INSYN2A: variants seen among roughly 807,000 people sequenced by gnomAD.
The protein encoded by INSYN2A is family with sequence similarity 196 member A.
In INSYN2A, 17 loss-of-function variants were observed where a neutral mutation model predicts 39.4. The ratio of observed to expected loss-of-function variants is 0.43; its 90% CI spans 0.30 to 0.65. The LOEUF is 0.65. Ranked by LOEUF, INSYN2A falls within the 30% of genes least tolerant of loss-of-function variation. The probability of loss-of-function intolerance (pLI) is 0.14; values close to 1 mark genes in which losing one functional copy is unlikely to be tolerated. For missense variants in INSYN2A, 595 were observed against 631.2 expected, an observed-to-expected ratio of 0.94 and a Z score of 0.61; for synonymous variants, 255 against 265.7, an observed-to-expected ratio of 0.96 and a Z score of 0.39.
At chr10:127,147,397 A>T (rs2051985234) in intron 5 of INSYN2A, among the ~76,000 whole-genome samples, 1 of 152,054 alleles carries the variant, frequency 6.6e-6, no homozygotes. Context: ...TCCCTCCACG[A>T]TTATCTTGTT....
intron 4 of INSYN2A, among the ~76,000 whole-genome samples, chr10:127,166,018 G>C (rs2054038741): frequency 6.6e-6 from 1 of 152,076 alleles, no homozygotes; most frequent in Non-Finnish European, 1.5e-5. Flanking sequence ...ATCCAGACTT[G>C]CATTAGCAAA....
Position 127,176,179 on chromosome 10 carries a change from G to T in INSYN2A, c.217C>A (p.Arg73=), listed in dbSNP as rs143780805. The change falls in exon 4 of 6, where the codon CGG becomes AGG. Residue 73 remains arginine (R), a synonymous_variant. Transcript: ENST00000522781. This position sits in a 1 kb window ranked among gnomAD's most constrained non-coding sequence, Gnocchi z 4.4. ...CTGCAGGACACGGGCTTGGCCTCCCGCTTCTCCCCCAGCTGGCCCGAGGAC... is the reference window on the plus strand; with the variant it reads ...CTGCAGGACACGGGCTTGGCCTCCCTCTTCTCCCCCAGCTGGCCCGAGGAC... The part of the protein sequence containing the change: ...QLSSGQLGEK[R]EAKPVSCRAA... 171 of 1,614,068 alleles carry T rather than the reference G, an allele frequency of 1.1e-4. No homozygotes were observed. Among genetic ancestry groups the T allele is most frequent in the Non-Finnish European group, 1.4e-4 (165 of 1,180,016 alleles).
At chr10:127,173,315 C>T (rs1337927655) in intron 4 of INSYN2A, among the ~76,000 whole-genome samples, 2 of 152,176 alleles carry the variant, frequency 1.3e-5, no homozygotes, top group African/African-American at 2.4e-5. Flanking sequence ...AGCCCTTGCC[C>T]AAGCCCTCAG....
intron 5 of INSYN2A, among the ~76,000 whole-genome samples, chr10:127,140,734 C>T (rs2051160046): frequency 6.7e-6 from 1 of 150,122 alleles, no homozygotes; most frequent in South Asian, 2.1e-4. Context: ...AACGGTCTGG[C>T]CAACTCTGGC....
intron 4 of INSYN2A, among the ~76,000 whole-genome samples, chr10:127,173,437 C>T (rs1017030318): frequency 2.0e-5 from 3 of 152,194 alleles, no homozygotes; most frequent in Non-Finnish European, 2.9e-5. Context: ...CATACTTGTT[C>T]TAAGAGGAGT....
intron 4 of INSYN2A, among the ~76,000 whole-genome samples, chr10:127,168,788 C>G (rs1276181911): frequency 6.6e-6 from 1 of 152,198 alleles, no homozygotes. Context: ...TAAGCCCACA[C>G]CTTCGTGATT....
intron 5 of INSYN2A, among the ~76,000 whole-genome samples, chr10:127,147,733 A>G (rs373042199): frequency 3.3e-5 from 5 of 152,066 alleles, no homozygotes; most frequent in African/African-American, 1.2e-4. Context: ...GTGGTTGTTT[A>G]AAATTCCACC....
chr10:127,184,898 G>A (rs1160470147), intron 2 of INSYN2A, among the ~76,000 whole-genome samples: 1 of 152,100 alleles, frequency 6.6e-6, no homozygotes, highest in East Asian at 1.9e-4. Context: ...GCATGCCTGG[G>A]GTGACCTAGG....
intron 4 of INSYN2A, among the ~76,000 whole-genome samples, chr10:127,165,497 G>C (rs2053993463): frequency 6.6e-6 from 1 of 152,150 alleles, no homozygotes; most frequent in South Asian, 2.1e-4. Flanking sequence ...CTTTTTGGTT[G>C]AAGGATGCTC....
intron 4 of INSYN2A, among the ~76,000 whole-genome samples, chr10:127,170,412 C>T (rs1032180463): frequency 2.6e-5 from 4 of 152,204 alleles, no homozygotes; most frequent in Non-Finnish European, 5.9e-5. Flanking sequence ...ATCTGCTTCA[C>T]TCTGGGCAGT....
chr10:127,166,501 A>T (rs1361107735), intron 4 of INSYN2A, among the ~76,000 whole-genome samples: 2 of 152,182 alleles, frequency 1.3e-5, no homozygotes, highest in African/African-American at 4.8e-5. Context: ...GACCTTGGAG[A>T]AGGTACTGAG....
intron 5 of INSYN2A, among the ~76,000 whole-genome samples, chr10:127,147,299 G>A (rs1393687307): frequency 1.3e-5 from 2 of 152,152 alleles, no homozygotes; most frequent in South Asian, 2.1e-4. Flanking sequence ...TGCCCTGGCT[G>A]TTTGTCCTCC....
At chr10:127,147,776 T>TA (rs1409619070) in intron 5 of INSYN2A, among the ~76,000 whole-genome samples, 5 of 152,094 alleles carry the variant, frequency 3.3e-5, no homozygotes, top group African/African-American at 9.7e-5. Context: ...CTCATGCCTG[T>TA]AATCCTAGCA....
At chr10:127,149,043 G>T (rs558162115) in intron 5 of INSYN2A, among the ~76,000 whole-genome samples, 1 of 152,214 alleles carries the variant, frequency 6.6e-6, no homozygotes, top group African/African-American at 2.4e-5. Context: ...TCAGCTCTGA[G>T]TCAATAGATT....
intron 4 of INSYN2A, among the ~76,000 whole-genome samples, chr10:127,162,354 A>G (rs899230096): frequency 3.3e-5 from 5 of 152,216 alleles, no homozygotes; most frequent in Admixed American, 1.3e-4. Flanking sequence ...CTTGGAAGTA[A>G]TATATCTCTA....
chr10:127,138,694 T>C (rs2050927047), intron 5 of INSYN2A, among the ~76,000 whole-genome samples: 1 of 152,164 alleles, frequency 6.6e-6, no homozygotes, highest in African/African-American at 2.4e-5. Context: ...AACACAGAAG[T>C]AAAATTCCAT....
intron 4 of INSYN2A, among the ~76,000 whole-genome samples, chr10:127,155,469 T>C (rs1274500850): frequency 6.6e-6 from 1 of 152,196 alleles, no homozygotes; most frequent in Non-Finnish European, 1.5e-5. Flanking sequence ...CGTCTTTCCA[T>C]CATCACCTCC....
At chr10:127,141,515 C>T (rs1286785668) in intron 5 of INSYN2A, among the ~76,000 whole-genome samples, 1 of 152,098 alleles carries the variant, frequency 6.6e-6, no homozygotes, top group African/African-American at 2.4e-5. Flanking sequence ...CCAGTCTGGC[C>T]AACATGGTGA....
chr10:127,169,575 A>C (rs1277556070), intron 4 of INSYN2A, among the ~76,000 whole-genome samples: 1 of 152,152 alleles, frequency 6.6e-6, no homozygotes, highest in East Asian at 1.9e-4. Flanking sequence ...TTTGTAAATA[A>C]AGTTTTATTG....
Sources: allele counts gnomAD v4.1 joint callset (sites outside exome capture counted in the v4.1 genomes callset), GRCh38; gene constraint gnomAD v4.1.1; non-coding constraint Gnocchi (gnomAD v3.1); transcripts MANE v1.5; gene names NCBI Gene and HGNC (gene_info 2026-07-23, HGNC 2026-07-21).